Variants in FTO observed in about 807,000 individuals in gnomAD.
The protein encoded by FTO is FTO alpha-ketoglutarate dependent dioxygenase, also known as alpha-ketoglutarate-dependent dioxygenase FTO.
In FTO, 47 loss-of-function variants were observed where a neutral mutation model predicts 63.9. The observed-to-expected ratio is 0.74, with a 90% CI of 0.58 to 0.94. The LOEUF (loss-of-function observed/expected upper bound fraction) is 0.94. Among genes scored for constraint, FTO ranks in the 40% least tolerant of loss-of-function variants. The probability of loss-of-function intolerance (pLI) is 0.00; values close to 1 mark genes in which losing one functional copy is unlikely to be tolerated. For missense variants in FTO, 562 were observed against 618.1 expected, an observed-to-expected ratio of 0.91 and a Z score of 0.96; for synonymous variants, 207 against 224.4, an observed-to-expected ratio of 0.92 and a Z score of 0.69.
At chr16:53,862,654 GC>G (rs1456476666) in intron 4 of FTO, among the ~76,000 whole-genome samples, 5 of 149,676 alleles carry the variant, frequency 3.3e-5, no homozygotes, top group African/African-American at 1.2e-4. Flanking sequence ...TCCTGCCTCT[GC>G]CTCCCGAGTA....
At chr16:53,874,253 A>T (rs892417272) in intron 5 of FTO, among the ~76,000 whole-genome samples, 1 of 152,146 alleles carries the variant, frequency 6.6e-6, no homozygotes, top group Admixed American at 6.6e-5. Context: ...AGATGTTGAG[A>T]ATTTTCATTT....
intron 1 of FTO, among the ~76,000 whole-genome samples, chr16:53,741,851 T>C (rs946319136): frequency 2.0e-5 from 3 of 152,206 alleles, no homozygotes; most frequent in African/African-American, 7.2e-5. Flanking sequence ...ACAAAGCTGT[T>C]GGCTGGGAAA....
chr16:53,950,042 T>TG (rs1251170196), intron 8 of FTO, among the ~76,000 whole-genome samples: 325 of 146,328 alleles, frequency 2.2e-3, no homozygotes, highest in African/African-American at 6.0e-3. Flanking sequence ...TTTCTTTTTT[T>TG]GGGGGGGGAA....
intron 2 of FTO, among the ~76,000 whole-genome samples, chr16:53,819,422 T>C (rs1041402801): frequency 1.3e-5 from 2 of 152,224 alleles, no homozygotes; most frequent in African/African-American, 4.8e-5. Flanking sequence ...TACACCCGCC[T>C]GAGTCTCCCA....
At chr16:54,089,839 T>C (rs1441677346) in intron 8 of FTO, among the ~76,000 whole-genome samples, 8 of 151,514 alleles carry the variant, frequency 5.3e-5, no homozygotes, top group African/African-American at 1.9e-4. Context: ...GAGAGATTAC[T>C]TCACACCTAC....
chr16:54,062,552 A>G (rs949227936), intron 8 of FTO, among the ~76,000 whole-genome samples: 7 of 151,824 alleles, frequency 4.6e-5, no homozygotes, highest in African/African-American at 1.5e-4. Context: ...TTTTTTCTTT[A>G]TAATTTGTAG....
chr16:54,014,018 G>A (rs889295065), intron 8 of FTO, among the ~76,000 whole-genome samples: 12 of 152,196 alleles, frequency 7.9e-5, no homozygotes, highest in African/African-American at 1.9e-4. Context: ...ACTTTTAGCA[G>A]TGTGTACCTG....
At chr16:53,726,528 G>A (rs902045131) in intron 1 of FTO, among the ~76,000 whole-genome samples, 2 of 152,168 alleles carry the variant, frequency 1.3e-5, no homozygotes, top group African/African-American at 4.8e-5. Flanking sequence ...CCATGGCTGA[G>A]GAGTTATGCT....
chr16:53,846,474 A>C (rs1053389074), intron 4 of FTO, among the ~76,000 whole-genome samples: 6 of 152,202 alleles, frequency 3.9e-5, no homozygotes, highest in African/African-American at 1.4e-4. Flanking sequence ...AAGAGCCAGA[A>C]TGTTATCTTT....
At chr16:53,962,213 T>C (rs1263365850) in intron 8 of FTO, among the ~76,000 whole-genome samples, 1 of 152,230 alleles carries the variant, frequency 6.6e-6, no homozygotes, top group East Asian at 1.9e-4. Flanking sequence ...TATGCTTAGC[T>C]TGTGGTCAGA....
chr16:54,094,427 A>C (rs1384734312), intron 8 of FTO, among the ~76,000 whole-genome samples: 1 of 151,904 alleles, frequency 6.6e-6, no homozygotes, highest in Non-Finnish European at 1.5e-5. Context: ...ATGTTTTAAA[A>C]CTCCTTTCTA....
chr16:54,049,876 A>C (rs1209126649), intron 8 of FTO, among the ~76,000 whole-genome samples: 1 of 152,216 alleles, frequency 6.6e-6, no homozygotes, highest in Non-Finnish European at 1.5e-5. Context: ...TTGGCTTTGC[A>C]TTCTGCTGGC....
intron 8 of FTO, among the ~76,000 whole-genome samples, chr16:54,080,113 A>G (rs1199269301): frequency 6.6e-6 from 1 of 152,156 alleles, no homozygotes; most frequent in Non-Finnish European, 1.5e-5. Context: ...TAGGCCAGGC[A>G]TGGTGGCTCA....
chr16:53,810,291 G>A, intron 2 of FTO, 74 bp downstream of exon 2: 1 of 1,036,646 alleles, frequency 9.6e-7, no homozygotes, highest in South Asian at 1.3e-5. Flanking sequence ...TGAGGAAGCT[G>A]GGCTAGAGAG....
At chr16:53,965,276 A>G (rs1323222429) in intron 8 of FTO, among the ~76,000 whole-genome samples, 1 of 152,152 alleles carries the variant, frequency 6.6e-6, no homozygotes, top group Non-Finnish European at 1.5e-5. Flanking sequence ...GGGTTTCACC[A>G]TATTGGCCAG....
At chr16:53,933,914 T>C in intron 7 of FTO, 71 bp from the exon 8 acceptor site, 1 of 1,487,518 alleles carries the variant, frequency 6.7e-7, no homozygotes, top group Non-Finnish European at 9.2e-7. Flanking sequence ...ACTGTCCTTA[T>C]TTGCTTATGG....
At chr16:53,847,308 G>T (rs567935174) in intron 4 of FTO, among the ~76,000 whole-genome samples, 1 of 152,278 alleles carries the variant, frequency 6.6e-6, no homozygotes, top group South Asian at 2.1e-4. Flanking sequence ...AGCGCTGAAC[G>T]CTGCTCAGGG....
intron 8 of FTO, among the ~76,000 whole-genome samples, chr16:53,983,820 C>T (rs1245293642): frequency 1.3e-5 from 2 of 152,142 alleles, no homozygotes; most frequent in African/African-American, 2.4e-5. Flanking sequence ...CTGTTGTGTA[C>T]GGCTCAGGGT....
At chr16:53,822,236 C>G (rs2078884617) in intron 2 of FTO, among the ~76,000 whole-genome samples, 1 of 152,170 alleles carries the variant, frequency 6.6e-6, no homozygotes, top group Non-Finnish European at 1.5e-5. Flanking sequence ...AACTACCACC[C>G]CTCCAAAAGA....
Sources: gnomAD v4.1 joint callset for allele counts (sites outside exome capture counted in the v4.1 genomes callset) on GRCh38, gnomAD v4.1.1 for gene constraint, MANE v1.5 for transcripts, NCBI Gene and HGNC (gene_info 2026-07-23, HGNC 2026-07-21) for gene names.